Variants in BACH2 observed in about 807,000 individuals in gnomAD.
BACH2 encodes transcription regulator protein BACH2.
A neutral mutation model predicts 61.8 loss-of-function variants in BACH2; 5 were observed. The observed-to-expected ratio is 0.08, with a 90% CI of 0.04 to 0.17. The LOEUF (loss-of-function observed/expected upper bound fraction) is 0.17, where lower values mean the gene tolerates loss of function less well. Among genes scored for constraint, BACH2 ranks in the 10% least tolerant of loss-of-function variants. BACH2 has a pLI of 1.00. For missense variants in BACH2, 824 were observed against 1,091.1 expected (o/e 0.76, Z 3.45); for synonymous variants, 446 against 440.1 (o/e 1.01, Z -0.17).
chr6:90,175,183 T>TA (rs1767946792), intron 4 of BACH2, among the ~76,000 whole-genome samples: 1 of 152,140 alleles, frequency 6.6e-6, no homozygotes, highest in Non-Finnish European at 1.5e-5. Context: ...AAATGCATTT[T>TA]AAAGTCAATG....
intron 4 of BACH2, among the ~76,000 whole-genome samples, chr6:90,149,515 A>G (rs1432291235): frequency 6.6e-6 from 1 of 152,222 alleles, no homozygotes; most frequent in Non-Finnish European, 1.5e-5. Flanking sequence ...CAGCTGAGGC[A>G]TCTGGAGTTT....
intron 4 of BACH2, among the ~76,000 whole-genome samples, chr6:90,167,712 G>C (rs1369459996): frequency 6.6e-6 from 1 of 152,140 alleles, no homozygotes; most frequent in Admixed American, 6.6e-5. Context: ...GGGCTCCCAG[G>C]CGCTCCTGGA....
intron 2 of BACH2, among the ~76,000 whole-genome samples, chr6:90,258,487 TC>T (rs1771055113): frequency 6.6e-6 from 1 of 152,180 alleles, no homozygotes; most frequent in African/African-American, 2.4e-5. Context: ...AATTTTTAAA[TC>T]AGGAAGTATA....
chr6:89,970,973 T>G (rs1338607374), intron 6 of BACH2, among the ~76,000 whole-genome samples: 2 of 152,256 alleles, frequency 1.3e-5, no homozygotes, highest in African/African-American at 4.8e-5. Context: ...AAAGGGAATT[T>G]GGAACTTATG....
chr6:90,063,667 GC>G (rs1780800860), intron 5 of BACH2, among the ~76,000 whole-genome samples: 1 of 151,826 alleles, frequency 6.6e-6, no homozygotes, highest in African/African-American at 2.4e-5. Flanking sequence ...AAGCATTGGA[GC>G]CCTTTTGAAC....
chr6:90,025,441 A>G (rs1205914391), intron 5 of BACH2, among the ~76,000 whole-genome samples: 3 of 152,072 alleles, frequency 2.0e-5, no homozygotes, highest in South Asian at 2.1e-4. Flanking sequence ...CTTTGTGTCT[A>G]TGTTCTCCAT....
intron 4 of BACH2, among the ~76,000 whole-genome samples, chr6:90,121,256 T>C (rs1264629755): frequency 2.0e-5 from 3 of 152,232 alleles, no homozygotes; most frequent in Non-Finnish European, 4.4e-5. Flanking sequence ...ATTTAGGCTA[T>C]GTAGTATCTT....
At chr6:90,290,116 A>G (rs1241225010) in intron 1 of BACH2, among the ~76,000 whole-genome samples, 1 of 152,216 alleles carries the variant, frequency 6.6e-6, no homozygotes, top group Non-Finnish European at 1.5e-5. Context: ...GGCTTAGGCA[A>G]TACTCCAAAG....
chr6:90,219,655 C>A (rs1769669736), intron 3 of BACH2, among the ~76,000 whole-genome samples: 1 of 152,202 alleles, frequency 6.6e-6, no homozygotes, highest in Admixed American at 6.5e-5. Flanking sequence ...GGCTCTACCC[C>A]TTCCTCATCT....
intron 1 of BACH2, among the ~76,000 whole-genome samples, chr6:90,278,142 G>A (rs1028820200): frequency 2.0e-5 from 3 of 152,148 alleles, no homozygotes; most frequent in African/African-American, 4.8e-5. Context: ...TATAGGAGAC[G>A]ATGTCAAATA....
chr6:90,120,641 G>A (rs1212459508), intron 4 of BACH2, among the ~76,000 whole-genome samples: 1 of 152,150 alleles, frequency 6.6e-6, no homozygotes, highest in Non-Finnish European at 1.5e-5. Flanking sequence ...CTTTTTGAAC[G>A]GGTTTTTACT....
At chr6:90,011,943 T>TGTGTGC (rs1777745209) in intron 5 of BACH2, among the ~76,000 whole-genome samples, 1 of 99,226 alleles carries the variant, frequency 1.0e-5, no homozygotes, top group Admixed American at 9.1e-5. Context: ...TGTGTGTGTG[T>TGTGTGC]GTGTGTGTGT....
intron 4 of BACH2, among the ~76,000 whole-genome samples, chr6:90,171,009 A>C (rs1239830569): frequency 6.6e-6 from 1 of 151,972 alleles, no homozygotes; most frequent in African/African-American, 2.4e-5. Flanking sequence ...TTGAAAGATG[A>C]AATCCTCAGT....
intron 4 of BACH2, among the ~76,000 whole-genome samples, chr6:90,098,009 C>T (rs1422466484): frequency 6.6e-6 from 1 of 152,120 alleles, no homozygotes; most frequent in Admixed American, 6.5e-5. Context: ...TCTCTAGGTT[C>T]TATACTAGCT....
intron 1 of BACH2, among the ~76,000 whole-genome samples, chr6:90,275,563 C>T (rs1322038648): frequency 6.6e-6 from 1 of 151,862 alleles, no homozygotes; most frequent in Non-Finnish European, 1.5e-5. Flanking sequence ...TAACTTGCGT[C>T]ATGGGGGTTT....
chr6:90,054,401 C>G (rs536352970), intron 5 of BACH2, among the ~76,000 whole-genome samples: 1 of 152,192 alleles, frequency 6.6e-6, no homozygotes, highest in Non-Finnish European at 1.5e-5. Flanking sequence ...AACTGCAAGG[C>G]GGCAGCGAGG....
chr6:90,102,909 A>T (rs2127812592), intron 4 of BACH2, among the ~76,000 whole-genome samples: 1 of 144,052 alleles, frequency 6.9e-6, no homozygotes, highest in African/African-American at 2.5e-5. Context: ...CTGCTAACCT[A>T]CTTCTTCTTT....
chr6:89,988,724 A>G (rs751091568), intron 6 of BACH2, among the ~76,000 whole-genome samples: 3 of 152,324 alleles, frequency 2.0e-5, no homozygotes, highest in Non-Finnish European at 2.9e-5. Context: ...TATCCAATAC[A>G]TATCTATTAT....
intron 5 of BACH2, among the ~76,000 whole-genome samples, chr6:90,023,774 G>A (rs899215262): frequency 5.3e-5 from 8 of 152,156 alleles, no homozygotes; most frequent in Admixed American, 2.6e-4. Flanking sequence ...TCTGCCATGT[G>A]AGGACACAAG....
Sources: gnomAD v4.1 joint callset for allele counts (sites outside exome capture counted in the v4.1 genomes callset) on GRCh38, gnomAD v4.1.1 for gene constraint, MANE v1.5 for transcripts, NCBI Gene and HGNC (gene_info 2026-07-23, HGNC 2026-07-21) for gene names.